The following ACRBP variants were observed in gnomAD, a reference collection of about 807,000 sequenced individuals.
The protein encoded by ACRBP is acrosin-binding protein.
ACRBP carries 52 observed loss-of-function variants against 69.0 expected under a neutral mutation model. That is an observed-to-expected ratio of 0.75 (90% CI 0.60 to 0.95). The LOEUF is 0.95. Among genes scored for constraint, ACRBP ranks in the 40% least tolerant of loss-of-function variants. The probability of loss-of-function intolerance (pLI) is 0.00; values close to 1 mark genes in which losing one functional copy is unlikely to be tolerated. For synonymous variants in ACRBP, 267 were observed against 258.9 expected (o/e 1.03, Z -0.30); for missense variants, 604 against 673.0 (o/e 0.90, Z 1.13).
rs1297838519 is a variant in ACRBP at position 6,638,924 on chromosome 12, GAGA to G, written c.1509+27_1509+29del. Reference sequence around the variant, plus strand: ...TGGTGACTGATTGAGGGGGTGCTGGGAGAAGGAGGGGCAGGGCAGGGGTGCTCA... The same window carrying G: ...TGGTGACTGATTGAGGGGGTGCTGGGAGGAGGGGCAGGGCAGGGGTGCTCA... On this transcript the variant is annotated intron_variant, in intron 9 of 9. Transcript: ENST00000229243. 3.1e-6 allele frequency: 5 copies of G among 1,609,752 alleles called. No homozygotes were observed. The South Asian group carries it at 5.5e-5, about 18-fold the overall frequency.
intron 9 of ACRBP, 89 bp from the exon 10 acceptor site, chr12:6,638,493 C>G (rs189168183): frequency 6.4e-7 from 1 of 1,569,356 alleles, no homozygotes; most frequent in African/African-American, 1.3e-5. Flanking sequence ...CCCAAAAGAA[C>G]GAGAGGTGGG....
Position 6,646,780 on chromosome 12 carries a change from A to G in ACRBP, c.262+14T>C. Reference sequence around the variant, plus strand: ...CTCTGGGTGCCTCGGTTTCCCCCCTAGTCTGGCCCTCACCATCGGGCACTA... The same window carrying G: ...CTCTGGGTGCCTCGGTTTCCCCCCTGGTCTGGCCCTCACCATCGGGCACTA... On this transcript the variant is annotated intron_variant, in intron 2 of 9. Transcript: ENST00000229243. 1 of 1,613,292 alleles carries G rather than the reference A, an allele frequency of 6.2e-7. No homozygotes were observed. The highest frequency in any genetic ancestry group is 8.5e-7 in the Non-Finnish European group (1 of 1,179,884).
At chr12:6,645,980 G>A (rs1029275165) in intron 3 of ACRBP, among the ~76,000 whole-genome samples, 2 of 150,236 alleles carry the variant, frequency 1.3e-5, no homozygotes, top group Non-Finnish European at 3.0e-5. Flanking sequence ...TTTTTTTTGA[G>A]ACACAGTCTT....
chr12:6,645,551 T>G (rs1430815259), intron 3 of ACRBP, among the ~76,000 whole-genome samples: 1 of 152,196 alleles, frequency 6.6e-6, no homozygotes, highest in Non-Finnish European at 1.5e-5. Flanking sequence ...CCGTCACTTT[T>G]GCATTTGACT....
At chr12:6,646,251 C>G (rs1396808242) in intron 3 of ACRBP, among the ~76,000 whole-genome samples, 1 of 151,936 alleles carries the variant, frequency 6.6e-6, no homozygotes, top group African/African-American at 2.4e-5. Context: ...AGATTACAGG[C>G]ATGAGCCACC....
chr12:6,642,944 G>A (rs1949063148), intron 6 of ACRBP, among the ~76,000 whole-genome samples: 1 of 152,094 alleles, frequency 6.6e-6, no homozygotes, highest in Admixed American at 6.6e-5. Context: ...ATGGTGAGGT[G>A]GATCAAGAAT....
chr12:6,644,601 T>C lies in ACRBP; in HGVS notation c.480A>G (p.Thr160=), dbSNP rs2136251053. The change falls in exon 5 of 10, where the codon ACA becomes ACG. Residue 160 remains threonine, a synonymous_variant. Transcript: ENST00000229243. ...TSPISPHFTV[T]ERQTFQPWPE... is the part of the protein sequence containing the mutation. ...GCCAGGGCTGGAAGGTCTGGCGTTC[T>C]GTCACTACAGCAGGGTTTAGAGAGA... The C allele has an allele frequency of 6.2e-7, 1 of 1,611,436 alleles. No homozygotes were observed. The highest frequency in any genetic ancestry group is 8.5e-7 in the Non-Finnish European group (1 of 1,178,742).
At chr12:6,641,562 A>G (rs1313091681) in intron 6 of ACRBP, among the ~76,000 whole-genome samples, 1 of 152,104 alleles carries the variant, frequency 6.6e-6, no homozygotes, top group Non-Finnish European at 1.5e-5. Context: ...CTGTCCTCTT[A>G]TCTAAGCCAT....
chr12:6,638,975 C>T lies in ACRBP; in HGVS notation c.1488G>A (p.Leu496=), dbSNP rs768703879. 5 of 1,614,064 alleles carry T rather than the reference C, an allele frequency of 3.1e-6. No individual in the cohort carries two copies. The South Asian group carries it at 4.4e-5, about 14-fold the overall frequency. The change falls in exon 9 of 10, where the codon CTG becomes CTA. Residue 496 remains leucine (L), a synonymous_variant. Transcript: ENST00000229243. The part of the protein sequence containing the change: ...NYCSFKSQQC[L]MRNRNRKVSR... Reference sequence around the variant, plus strand: ...TCACCTTCCGATTGCGGTTTCTCATCAGACACTGCTGGCTTTTGAAGGAAC... The same window carrying T: ...TCACCTTCCGATTGCGGTTTCTCATTAGACACTGCTGGCTTTTGAAGGAAC...
intron 6 of ACRBP, among the ~76,000 whole-genome samples, chr12:6,641,479 C>T (rs772968488): frequency 1.3e-5 from 2 of 152,138 alleles, no homozygotes; most frequent in Admixed American, 6.6e-5. Context: ...AGAGTTTTTG[C>T]GTCATGACCC....
rs368696301 is a variant in ACRBP at position 6,638,287 on chromosome 12, C to T, written c.1627G>A (p.Gly543Arg). 2.4e-5 allele frequency: 39 copies of T among 1,613,918 alleles called. No individual in the cohort carries two copies. Among genetic ancestry groups the T allele is most frequent in the Middle Eastern group, 1.6e-4 (1 of 6,076 alleles). ...EFSTLTLGQFG is the reference protein window; with the variant it reads ...EFSTLTLGQFR ...TGGGCAGAATAGACGCCAGCTCATC[C>T]GAACTGGCCTAGAGTCAAGGTGCTG... Residue 543 changes from glycine (G) to arginine (R), a missense_variant, in exon 10 of 10, where the codon GGA (glycine) becomes AGA (arginine). Coordinates refer to ENST00000229243, the MANE Select transcript of ACRBP (RefSeq NM_032489.3).
rs371598244 is a variant in ACRBP at position 6,644,602 on chromosome 12, G to T, written c.479C>A (p.Thr160Lys). ...CCAGGGCTGGAAGGTCTGGCGTTCT[G>T]TCACTACAGCAGGGTTTAGAGAGAA... is the stretch of plus-strand genomic sequence containing the variant. The part of the protein sequence containing the change: ...TSPISPHFTV[T>K]ERQTFQPWPE... Residue 160 changes from threonine (T) to lysine (K), a missense_variant, in exon 5 of 10, where the codon ACA (threonine) becomes AAA (lysine). Transcript: ENST00000229243. 6.2e-7 allele frequency: 1 copy of T among 1,611,268 alleles called. No homozygotes were observed.
rs565391195 is a variant in ACRBP, at chr12:6,638,890, G to A, written c.1509+64C>T. The stretch of plus-strand genomic sequence containing the variant: ...TGCTCGCAGAGGGGGCCTCAGAATA[G>A]ACCAGTTATGGTGACTGATTGAGGG... On this transcript the variant is annotated intron_variant, in intron 9 of 9. Coordinates refer to ENST00000229243, the MANE Select transcript of ACRBP (RefSeq NM_032489.3). 4 of 1,602,146 alleles carry A rather than the reference G, an allele frequency of 2.5e-6. No homozygotes were observed. The East Asian group carries it at 6.7e-5, about 27-fold the overall frequency.
intron 4 of ACRBP, 146 bp from the exon 5 acceptor site, chr12:6,644,751 T>C (rs1176817097): frequency 2.1e-5 from 28 of 1,327,628 alleles, no homozygotes; most frequent in Non-Finnish European, 2.8e-5. Flanking sequence ...ACATAAGTAT[T>C]AAACTAAAAG....
chr12:6,640,177 C>A lies in ACRBP; in HGVS notation c.1308G>T (p.Gly436=). Residue 436 remains glycine, a synonymous_variant, in exon 8 of 10, where the codon GGG becomes GGT. Transcript: ENST00000229243. This position sits in a 1 kb window ranked among gnomAD's most constrained non-coding sequence, Gnocchi z 5.3. ...GRFYGLDLYG[G]LHMDFWCARL... ...GGGCACACCAGAAGTCCATGTGGAG[C>A]CCACCGTACAAATCCAGCCCGTAAA... The A allele has an allele frequency of 6.2e-7, 1 of 1,614,160 alleles. No individual in the cohort carries two copies. Among genetic ancestry groups the A allele is most frequent in the Non-Finnish European group, 8.5e-7 (1 of 1,180,024 alleles).
In ACRBP at chr12:6,638,329, G is replaced by A. The variant is rs142857326; in HGVS notation, c.1585C>T (p.Arg529Ter). The change falls in exon 10 of 10, where the codon CGA (arginine) becomes TGA (stop). Residue 529 changes from arginine to a stop codon, truncating the protein, a stop_gained. Transcript: ENST00000229243. LOFTEE classifies it high-confidence loss of function. ...SPGKSEDVVL[R>*]WSQEFSTLTL... Reference sequence around the variant, plus strand: ...AAGGTGCTGAACTCCTGGCTCCATCGAAGCACAACGTCCTCACTTTTGCCA... The same window carrying A: ...AAGGTGCTGAACTCCTGGCTCCATCAAAGCACAACGTCCTCACTTTTGCCA... 5.0e-4 allele frequency: 805 copies of A among 1,614,140 alleles called. 1 individual carries two copies. The highest frequency in any genetic ancestry group is 6.1e-4 in the Non-Finnish European group (725 of 1,180,034).
rs2136251391 is a variant in ACRBP at position 6,645,140 on chromosome 12, C to T, written c.475+80G>A. On this transcript the variant is annotated intron_variant, in intron 4 of 9. Coordinates refer to ENST00000229243, the MANE Select transcript of ACRBP (RefSeq NM_032489.3). ...CCCGCCCAACATGCTTCCCATTTCCCTGCCATGGATGCCTTACGTTGTGGG... is the reference window on the plus strand; with the variant it reads ...CCCGCCCAACATGCTTCCCATTTCCTTGCCATGGATGCCTTACGTTGTGGG... 2.6e-6 allele frequency: 3 copies of T among 1,138,482 alleles called. No individual in the cohort carries two copies. In the South Asian group the frequency reaches 4.2e-5, roughly 16 times the overall value. 70.5% of individuals were successfully genotyped at this position (1,138,482 alleles called of 1,614,324 possible).
chr12:6,647,009 A>G lies in ACRBP; in HGVS notation c.47T>C (p.Leu16Pro), dbSNP rs1949094752. Residue 16 changes from leucine to proline, a missense_variant, in exon 2 of 10, where the codon CTG becomes CCG. By Grantham distance (98) the Leu-to-Pro change is moderately conservative. This residue lies in a region of ACRBP where 532 missense variants were observed against 562.9 expected (regional missense o/e 0.95). Coordinates refer to ENST00000229243, the MANE Select transcript of ACRBP (RefSeq NM_032489.3). ...AGFLPSLLKV[L>P]LLPLAPAAAQ... Reference sequence around the variant, plus strand: ...TGCGGCAGGTGCCAGAGGCAGGAGCAGCACTGCGGAGCGGGCGAACGGATG... The same window carrying G: ...TGCGGCAGGTGCCAGAGGCAGGAGCGGCACTGCGGAGCGGGCGAACGGATG... 6.2e-7 allele frequency: 1 copy of G among 1,608,582 alleles called. No homozygotes were observed.
Position 6,646,962 on chromosome 12 carries a change from A to G in ACRBP, c.94T>C (p.Ser32Pro). Residue 32 changes from serine (S) to proline (P), a missense_variant, in exon 2 of 10, where the codon TCC becomes CCC. Coordinates refer to ENST00000229243, the MANE Select transcript of ACRBP (RefSeq NM_032489.3). Reference protein sequence around the residue: ...PAAAQDSTQASTPGSPLSPTE... With the variant: ...PAAAQDSTQAPTPGSPLSPTE... ...GGAGAGAGAGGGCTGCCTGGAGTGG[A>G]GGCCTGAGTCGAATCCTGGGCTGCG... 1 of 1,613,294 alleles carries G rather than the reference A, an allele frequency of 6.2e-7. No individual in the cohort carries two copies. Among genetic ancestry groups the G allele is most frequent in the Non-Finnish European group, 8.5e-7 (1 of 1,180,026 alleles).
Sources: allele counts gnomAD v4.1 joint callset (sites outside exome capture counted in the v4.1 genomes callset), GRCh38; gene constraint gnomAD v4.1.1; regional missense constraint gnomAD v4.1.1; non-coding constraint Gnocchi (gnomAD v3.1); transcripts MANE v1.5; gene names NCBI Gene and HGNC (gene_info 2026-07-23, HGNC 2026-07-21).